Variants in ARB2A observed in about 807,000 individuals in gnomAD.
ARB2A encodes ARB2 cotranscriptional regulator A.
chr5:94,078,382 T>G, the ARB2A span, among the ~76,000 whole-genome samples: 1 of 152,168 alleles, frequency 6.6e-6, no homozygotes, highest in South Asian at 2.1e-4. Context: ...ACAAGGGATT[T>G]ATAAGGAACC....
the ARB2A span, among the ~76,000 whole-genome samples, chr5:94,106,336 A>G: frequency 6.6e-6 from 1 of 152,266 alleles, no homozygotes; most frequent in Non-Finnish European, 1.5e-5. Flanking sequence ...GACAATTCTC[A>G]AAACAAGATA....
chr5:93,842,453 A>T, the ARB2A span, among the ~76,000 whole-genome samples: 1 of 152,218 alleles, frequency 6.6e-6, no homozygotes, highest in Non-Finnish European at 1.5e-5. Context: ...AGGATGGCAG[A>T]TTCAAGATCC....
the ARB2A span, among the ~76,000 whole-genome samples, chr5:93,970,390 A>C: frequency 1.3e-5 from 2 of 152,178 alleles, no homozygotes; most frequent in East Asian, 3.8e-4. Context: ...AATCTTAGAA[A>C]ACAGACTAAG....
chr5:93,804,920 G>C, the ARB2A span: 1 of 957,146 alleles, frequency 1.0e-6, no homozygotes, highest in African/African-American at 1.8e-5. Context: ...AGTAACCAGA[G>C]ATATATAATA....
At chr5:94,107,732 G>C in the ARB2A span, among the ~76,000 whole-genome samples, 1 of 151,960 alleles carries the variant, frequency 6.6e-6, no homozygotes, top group Non-Finnish European at 1.5e-5. Flanking sequence ...GAACAACTTC[G>C]CTTACTCCTA....
chr5:93,797,880 T>C, the ARB2A span, among the ~76,000 whole-genome samples: 2 of 152,070 alleles, frequency 1.3e-5, no homozygotes, highest in Non-Finnish European at 2.9e-5. Flanking sequence ...AATTGCTAGA[T>C]AGCTTCTATA....
At chr5:93,666,670 T>G in the ARB2A span, among the ~76,000 whole-genome samples, 1 of 152,262 alleles carries the variant, frequency 6.6e-6, no homozygotes, top group East Asian at 1.9e-4. Context: ...TCAATAAAAT[T>G]AATTTGTATT....
the ARB2A span, among the ~76,000 whole-genome samples, chr5:94,016,909 T>C: frequency 6.6e-6 from 1 of 152,106 alleles, no homozygotes; most frequent in Non-Finnish European, 1.5e-5. Context: ...TACTAAGAAA[T>C]GAGAGGGATC....
At chr5:93,854,224 G>C in the ARB2A span, among the ~76,000 whole-genome samples, 1 of 152,188 alleles carries the variant, frequency 6.6e-6, no homozygotes, top group South Asian at 2.1e-4. Context: ...ATTTCTTCTA[G>C]ATTTTCTAGT....
At chr5:94,069,057 GATA>G in the ARB2A span, among the ~76,000 whole-genome samples, 1 of 150,766 alleles carries the variant, frequency 6.6e-6, no homozygotes, top group African/African-American at 2.4e-5. Flanking sequence ...TAGATAGATA[GATA>G]GATAGATAGA....
chr5:94,072,006 C>A, the ARB2A span, among the ~76,000 whole-genome samples: 2 of 152,066 alleles, frequency 1.3e-5, no homozygotes, highest in Non-Finnish European at 2.9e-5. Flanking sequence ...AATGGCATAT[C>A]TAGACAATGG....
At chr5:93,723,726 C>T in the ARB2A span, among the ~76,000 whole-genome samples, 22 of 151,920 alleles carry the variant, frequency 1.4e-4, no homozygotes, top group African/African-American at 5.3e-4. Context: ...CATGAAATCC[C>T]GTCAAAATTT....
chr5:93,857,510 T>A, the ARB2A span, among the ~76,000 whole-genome samples: 1 of 152,118 alleles, frequency 6.6e-6, no homozygotes, highest in Non-Finnish European at 1.5e-5. Flanking sequence ...TCCCCGAGCC[T>A]CGCTGTCACT....
chr5:94,049,947 C>CT, the ARB2A span, among the ~76,000 whole-genome samples: 1,542 of 148,346 alleles, frequency 0.01, 20 homozygotes, highest in Non-Finnish European at 0.016. Flanking sequence ...GAAGTTTTTT[C>CT]TTTTTTTTTT....
the ARB2A span, among the ~76,000 whole-genome samples, chr5:94,024,396 G>A: frequency 5.9e-5 from 9 of 152,056 alleles, no homozygotes; most frequent in East Asian, 7.7e-4. Flanking sequence ...TTTTGGATTC[G>A]CTGGCCTCCA....
the ARB2A span, among the ~76,000 whole-genome samples, chr5:93,768,357 C>G: frequency 6.6e-6 from 1 of 151,170 alleles, no homozygotes; most frequent in Non-Finnish European, 1.5e-5. Flanking sequence ...GAAAAAAAAA[C>G]AGAATTGGTC....
chr5:94,091,233 AGTTT>A, the ARB2A span, among the ~76,000 whole-genome samples: 5 of 152,236 alleles, frequency 3.3e-5, no homozygotes, highest in South Asian at 2.1e-4. Flanking sequence ...TGTTTTAAAT[AGTTT>A]GTTTTCAATT....
the ARB2A span, chr5:93,865,478 G>A: frequency 1.0e-6 from 1 of 985,026 alleles, no homozygotes; most frequent in Middle Eastern, 5.2e-4. Flanking sequence ...AATCGATGAA[G>A]GTATACTAAG....
chr5:93,845,982 T>TTC, the ARB2A span, among the ~76,000 whole-genome samples: 1 of 137,480 alleles, frequency 7.3e-6, no homozygotes, highest in Non-Finnish European at 1.5e-5. Flanking sequence ...AGAACATATT[T>TTC]TCTCTCTCTC....
Sources: allele counts gnomAD v4.1 joint callset (sites outside exome capture counted in the v4.1 genomes callset), GRCh38; gene constraint gnomAD v4.1.1; transcripts MANE v1.5; gene names NCBI Gene and HGNC (gene_info 2026-07-23, HGNC 2026-07-21).